The following MPC2 variants were observed in gnomAD, a reference collection of about 807,000 sequenced individuals.
MPC2 encodes the protein mitochondrial pyruvate carrier 2, also known as brain protein 44.
MPC2 carries 19 observed loss-of-function variants against 19.2 expected under a neutral mutation model. That is an observed-to-expected ratio of 0.99 (90% CI 0.69 to 1.45). The LOEUF is 1.45. Among genes scored for constraint, MPC2 ranks in the 40% most tolerant of loss-of-function variants. The pLI, the probability that MPC2 is intolerant of heterozygous loss-of-function variation, is 0.00. For synonymous variants in MPC2, 61 were observed against 54.3 expected (o/e 1.12, Z -0.54); for missense variants, 122 against 153.0 (o/e 0.80, Z 1.07).
chr1:167,933,169 G>GT (rs112730724), intron 2 of MPC2, among the ~76,000 whole-genome samples: 4,460 of 139,198 alleles, frequency 0.032, 123 homozygotes, highest in African/African-American at 0.077. Context: ...AAACACATTA[G>GT]TTTTTTTTTT....
chr1:167,935,307 T>A (rs531864122), intron 2 of MPC2, among the ~76,000 whole-genome samples: 1 of 152,284 alleles, frequency 6.6e-6, no homozygotes, highest in Non-Finnish European at 1.5e-5. Flanking sequence ...CTGAAGAAAG[T>A]GACCTTTACT....
intron 5 of MPC2, among the ~76,000 whole-genome samples, chr1:167,919,567 ACACTT>A (rs901519718): frequency 1.3e-5 from 2 of 152,244 alleles, no homozygotes; most frequent in African/African-American, 4.8e-5. Context: ...ACATAACAAT[ACACTT>A]AAGTTCCAAT....
At chr1:167,932,101 GC>G (rs1324349826) in intron 2 of MPC2, among the ~76,000 whole-genome samples, 3 of 152,146 alleles carry the variant, frequency 2.0e-5, no homozygotes, top group Non-Finnish European at 4.4e-5. Flanking sequence ...TAAAAGGAGA[GC>G]TATAATGCGT....
chr1:167,937,039 A>T lies in MPC2; in HGVS notation c.-158T>A. 6.4e-7 allele frequency: 1 copy of T among 1,572,038 alleles called. No homozygotes were observed. The highest frequency in any genetic ancestry group is 8.7e-7 in the Non-Finnish European group (1 of 1,153,328). ...CGGGGGCCCCGGGGCGGAGGCGCTG[A>T]GGTCGCCGCCTAGAGTGGGGGAGGG... is the stretch of plus-strand genomic sequence containing the variant. On this transcript the variant is annotated 5_prime_UTR_variant, in exon 1 of 6. Coordinates refer to ENST00000271373, the MANE Select transcript of MPC2 (RefSeq NM_001143674.4).
rs1356848158 is a variant in MPC2, at chr1:167,925,446, T to C, written c.110-909A>G. ...ATATACAGATATACATATACACATATATATATATATATATATATATATATA... is the reference window on the plus strand; with the variant it reads ...ATATACAGATATACATATACACATACATATATATATATATATATATATATA... On this transcript the variant is annotated intron_variant, in intron 2 of 5. Transcript: ENST00000271373. Among the ~76,000 whole-genome samples, 253 of 84,902 alleles carry C rather than the reference T, an allele frequency of 3.0e-3. No individual in the cohort carries two copies. In the South Asian group the frequency reaches 0.031, roughly 10 times the overall value. The allele number at this position is 84,902 out of a possible 152,430, so 55.7% of individuals were successfully genotyped here.
intron 2 of MPC2, among the ~76,000 whole-genome samples, chr1:167,926,826 C>G (rs1296589837): frequency 6.6e-6 from 1 of 152,180 alleles, no homozygotes; most frequent in Admixed American, 6.5e-5. Flanking sequence ...TTCTCAATAT[C>G]CTGCTTAGTC....
Position 167,918,372 on chromosome 1 carries a change from CAG to C in MPC2, c.348-15_348-14del. 1 of 1,472,080 alleles carries C rather than the reference CAG, an allele frequency of 6.8e-7. No individual in the cohort carries two copies. Among genetic ancestry groups the C allele is most frequent in the Non-Finnish European group, 9.4e-7 (1 of 1,061,976 alleles). 91.2% of individuals were successfully genotyped at this position (1,472,080 alleles called of 1,614,324 possible). A position where few individuals can be genotyped will look rare whatever the true frequency, so the allele number is the denominator to read the frequency against. ...TTCTTGGTTATATCTATAAAGAAAACAGAAAGAAAAATAATCATCAATAATAA... is the reference window on the plus strand; with the variant it reads ...TTCTTGGTTATATCTATAAAGAAAACAAAGAAAAATAATCATCAATAATAA... On this transcript the variant is annotated splice_polypyrimidine_tract_variant and intron_variant, in intron 5 of 5. Coordinates refer to ENST00000271373, the MANE Select transcript of MPC2 (RefSeq NM_001143674.4).
At chr1:167,927,366 G>T (rs1040064266) in intron 2 of MPC2, among the ~76,000 whole-genome samples, 2 of 152,140 alleles carry the variant, frequency 1.3e-5, no homozygotes, top group African/African-American at 2.4e-5. Context: ...GAGATTCTGG[G>T]ATTCCTATCA....
intron 2 of MPC2, among the ~76,000 whole-genome samples, chr1:167,934,652 T>C (rs1426331273): frequency 1.3e-5 from 2 of 152,348 alleles, no homozygotes; most frequent in East Asian, 3.9e-4. Context: ...AGCTGGTTCA[T>C]AATCAGATAA....
At chr1:167,925,888 T>TA (rs1224555061) in intron 2 of MPC2, among the ~76,000 whole-genome samples, 2 of 152,234 alleles carry the variant, frequency 1.3e-5, no homozygotes, top group East Asian at 3.8e-4. Context: ...AAGTTGTTTT[T>TA]ATCAGCCTGA....
intron 1 of MPC2, chr1:167,936,705 A>G: frequency 1.8e-6 from 1 of 571,030 alleles, no homozygotes; most frequent in Non-Finnish European, 3.1e-6. Context: ...TAGTCTAAGA[A>G]GGAGAGTATG....
intron 3 of MPC2, among the ~76,000 whole-genome samples, chr1:167,922,806 A>G (rs1328130712): frequency 6.6e-6 from 1 of 152,184 alleles, no homozygotes; most frequent in Non-Finnish European, 1.5e-5. Context: ...TAACCATTTT[A>G]AAAGTACATT....
At chr1:167,924,832 T>G (rs893063033) in intron 2 of MPC2, among the ~76,000 whole-genome samples, 2 of 152,202 alleles carry the variant, frequency 1.3e-5, no homozygotes, top group African/African-American at 4.8e-5. Flanking sequence ...TTGATTCTAA[T>G]GTACTTTCAT....
chr1:167,936,239 T>A (rs1370757293), intron 1 of MPC2: 1 of 235,706 alleles, frequency 4.2e-6, no homozygotes, highest in Non-Finnish European at 8.5e-6. Flanking sequence ...AACCTCCTCC[T>A]TCTCCCCATG....
chr1:167,936,627 G>A (rs976867069), intron 1 of MPC2: 10 of 368,040 alleles, frequency 2.7e-5, no homozygotes, highest in Admixed American at 4.7e-5. Flanking sequence ...CATCGCCTCC[G>A]CCTCCGCCTC....
At chr1:167,936,553 G>A (rs1307417062) in intron 1 of MPC2, 3 of 281,822 alleles carry the variant, frequency 1.1e-5, no homozygotes, top group East Asian at 2.2e-4. Flanking sequence ...CCCCAGGGTG[G>A]TCGTCATCTC....
At chr1:167,928,115 G>A (rs1670805692) in intron 2 of MPC2, among the ~76,000 whole-genome samples, 1 of 152,088 alleles carries the variant, frequency 6.6e-6, no homozygotes, top group African/African-American at 2.4e-5. Context: ...TTGTGAGGCC[G>A]AGATGGGCGG....
At chr1:167,925,346 G>A (rs1016252707) in intron 2 of MPC2, among the ~76,000 whole-genome samples, 1 of 149,630 alleles carries the variant, frequency 6.7e-6, no homozygotes, top group Non-Finnish European at 1.5e-5. Context: ...AAATAAAAAG[G>A]AAAGTTAGCC....
rs536794472 is a variant in MPC2 at position 167,918,338 on chromosome 1, A to C, written c.369T>G (p.Ala123=). 30 of 1,568,062 alleles carry C rather than the reference A, an allele frequency of 1.9e-5. No individual in the cohort carries two copies. The highest frequency in any genetic ancestry group is 5.1e-5 in the Admixed American group (3 of 58,608). ...AGGAACTCTTTTATTTGTGTGCTTT[A>C]GCTTTTAGTTCTTGGTTATATCTAT... The part of the protein sequence containing the change: ...RIWRYNQELK[A]KAHK Residue 123 remains alanine, a synonymous_variant, in exon 6 of 6, where the codon GCT becomes GCG. Transcript: ENST00000271373.
Sources: allele counts gnomAD v4.1 joint callset (sites outside exome capture counted in the v4.1 genomes callset), GRCh38; gene constraint gnomAD v4.1.1; transcripts MANE v1.5; gene names NCBI Gene and HGNC (gene_info 2026-07-23, HGNC 2026-07-21).